Variants in SOD2 observed in about 807,000 individuals in gnomAD.
SOD2 encodes the protein superoxide dismutase 2.
A neutral mutation model predicts 27.0 loss-of-function variants in SOD2; 11 were observed. The ratio of observed to expected loss-of-function variants is 0.41; its 90% confidence interval spans 0.26 to 0.67. The LOEUF (loss-of-function observed/expected upper bound fraction) is 0.67. SOD2 is among the 30% of genes least tolerant of loss of function. The pLI, the probability that SOD2 is intolerant of heterozygous loss-of-function variation, is 0.34. For missense variants in SOD2, 250 were observed against 274.5 expected (o/e 0.91, Z 0.63); for synonymous variants, 105 against 103.0 (o/e 1.02, Z -0.12).
At chr6:159,742,422 T>C (rs560455130) in intron 1 of SOD2, among the ~76,000 whole-genome samples, 1 of 152,310 alleles carries the variant, frequency 6.6e-6, no homozygotes, top group African/African-American at 2.4e-5. Context: ...TCAGAACTAC[T>C]TGAAACTTTT....
intron 1 of SOD2, chr6:159,753,316 C>A: frequency 8.4e-7 from 1 of 1,184,078 alleles, no homozygotes; most frequent in Non-Finnish European, 1.2e-6. Flanking sequence ...TGGATGTGTC[C>A]CAGAAAAGAA....
intron 1 of SOD2, among the ~76,000 whole-genome samples, chr6:159,722,125 C>T (rs1318033198): frequency 6.6e-6 from 1 of 151,998 alleles, no homozygotes; most frequent in African/African-American, 2.4e-5. Context: ...TGCCTGTACT[C>T]CCAGCGCTTT....
At chr6:159,719,542 C>T (rs1286543744) in intron 1 of SOD2, among the ~76,000 whole-genome samples, 1 of 150,820 alleles carries the variant, frequency 6.6e-6, no homozygotes, top group Non-Finnish European at 1.5e-5. Context: ...AGGAGGATCA[C>T]CTGGGCAAAG....
intron 1 of SOD2, among the ~76,000 whole-genome samples, chr6:159,715,686 G>T (rs1777911308): frequency 6.6e-6 from 1 of 152,160 alleles, no homozygotes; most frequent in Non-Finnish European, 1.5e-5. Context: ...AATCACTTGA[G>T]CCCAGGAGTT....
intron 1 of SOD2, chr6:159,743,585 C>G (rs1049580284): frequency 3.7e-6 from 5 of 1,342,368 alleles, no homozygotes; most frequent in African/African-American, 3.0e-5. Context: ...ATTTTTTGAC[C>G]CTAGTTCTTA....
At chr6:159,711,726 A>G (rs200278265) in intron 1 of SOD2, among the ~76,000 whole-genome samples, 1,764 of 39,226 alleles carry the variant, frequency 0.045, 13 homozygotes, top group South Asian at 0.091. Flanking sequence ...CACCATAACC[A>G]CCTCCACAAC....
At chr6:159,758,320 G>A (rs1223803691) in intron 1 of SOD2, among the ~76,000 whole-genome samples, 1 of 151,786 alleles carries the variant, frequency 6.6e-6, no homozygotes, top group East Asian at 1.9e-4. Context: ...TTTGGAGGCT[G>A]GGAAGTCTAA....
intron 1 of SOD2, chr6:159,726,144 C>A (rs1333884776): frequency 1.3e-5 from 2 of 152,630 alleles, no homozygotes; most frequent in African/African-American, 4.8e-5. Context: ...ATTTTGTACT[C>A]CGTGGAACTT....
chr6:159,716,580 A>T (rs1461633925), intron 1 of SOD2, among the ~76,000 whole-genome samples: 1 of 152,172 alleles, frequency 6.6e-6, no homozygotes, highest in Non-Finnish European at 1.5e-5. Flanking sequence ...AAGAAGACTG[A>T]GCACCATCAC....
rs756665250 is a variant in SOD2 at position 159,713,659 on chromosome 6, C to T, written c.-116+13470G>A. ...CCAAATGGAAGTCCTCTAAGCCAGA[C>T]GAAGCCATCGTTGGCAGTATCAGGA... On this transcript the variant is annotated intron_variant, in intron 1 of 2. Transcript: ENST00000401980. 1.3e-4 allele frequency: 131 copies of T among 990,474 alleles called. 1 individual carries two copies. Among genetic ancestry groups the T allele is most frequent in the South Asian group, 1.2e-3 (89 of 72,592 alleles). The allele number at this position is 990,474 out of a possible 1,614,324, so 61.4% of individuals were successfully genotyped here.
At chr6:159,697,639 G>A (rs1288826713), upstream of SOD2, among the ~76,000 whole-genome samples, 2 of 152,194 alleles carry the variant, frequency 1.3e-5, no homozygotes, top group Admixed American at 6.5e-5. Context: ...AGTTGATTAC[G>A]TCCATAAAGG....
At chr6:159,736,151 G>T (rs1778899666) in intron 1 of SOD2, 1 of 1,077,252 alleles carries the variant, frequency 9.3e-7, no homozygotes, top group South Asian at 1.5e-5. Flanking sequence ...TTATTCAACA[G>T]TAATTTAGTT....
At position 159,674,323 on chromosome 6, in the gene SOD2, T is replaced by C. The variant is rs1779730520; in HGVS notation, c.*8170A>G. ...GAGAACTTTAGACCAATATCCCTGA[T>C]GAAAATCAATGCAAAAATCCTCAAT... On this transcript the variant is annotated 3_prime_UTR_variant, in exon 5 of 5. Transcript: ENST00000538183. The C allele has an allele frequency of 6.6e-6, 1 of 152,202 alleles. No individual in the cohort carries two copies. Among genetic ancestry groups the C allele is most frequent in the South Asian group, 2.1e-4 (1 of 4,830 alleles). 9.4% of individuals were successfully genotyped at this position (152,202 alleles called of 1,614,324 possible).
Position 159,692,683 on chromosome 6 carries a change from C to T in SOD2, c.204G>A (p.Lys68=). 1.2e-6 allele frequency: 2 copies of T among 1,614,114 alleles called. No homozygotes were observed. The highest frequency in any genetic ancestry group is 8.5e-7 in the Non-Finnish European group (1 of 1,180,012). The change falls in exon 2 of 5, where the codon AAG becomes AAA. Residue 68 remains lysine (K), a synonymous_variant. Transcript: ENST00000538183. The part of the protein sequence containing the change: ...YVNNLNVTEE[K]YQEALAKGDV... Reference sequence around the variant, plus strand: ...TACCCTTGGCCAACGCCTCCTGGTACTTCTCCTCGGTGACGTTCAGGTTGT... The same window carrying T: ...TACCCTTGGCCAACGCCTCCTGGTATTTCTCCTCGGTGACGTTCAGGTTGT...
intron 1 of SOD2, among the ~76,000 whole-genome samples, chr6:159,719,577 G>A (rs796184448): frequency 5.0e-4 from 70 of 140,254 alleles, no homozygotes; most frequent in African/African-American, 1.9e-3. Context: ...AGTGAGCCAA[G>A]ATCATGCTAC....
At position 159,700,116 on chromosome 6, in the gene SOD2, G is replaced by A. The variant is rs140802492; in HGVS notation, c.-115-7253C>T. 5.6e-3 allele frequency among the ~76,000 whole-genome samples: 858 copies of A among 152,320 alleles called. 7 individuals carry two copies. The highest frequency in any genetic ancestry group is 0.02 in the African/African-American group (817 of 41,578). On this transcript the variant is annotated intron_variant, in intron 1 of 2. Coordinates refer to the SOD2 transcript ENST00000401980. ...AGTTTGAGGAACTAGTCAGCTATAT[G>A]TTGGTACACTAGAGGTGAGCCACTA...
chr6:159,697,088 G>A (rs970506106), upstream of SOD2, among the ~76,000 whole-genome samples: 1 of 136,286 alleles, frequency 7.3e-6, no homozygotes. Context: ...CACGCAGTCA[G>A]CTATACACAT....
At chr6:159,705,296 G>C (rs1188143181) in intron 1 of SOD2, among the ~76,000 whole-genome samples, 1 of 152,234 alleles carries the variant, frequency 6.6e-6, no homozygotes. Flanking sequence ...GTTGAGAGAA[G>C]AAGGCTTCAG....
chr6:159,669,277 C>T lies in SOD2; in HGVS notation c.*13216G>A, dbSNP rs1182385363. On this transcript the variant is annotated 3_prime_UTR_variant, in exon 5 of 5. Transcript: ENST00000538183. ...GATGAAAAGAACGTGTGTTCTGCAG[C>T]TATTAGAGTGTTCTGCACCTATTAG... The T allele has an allele frequency of 1.3e-5, 2 of 150,320 alleles. No individual in the cohort carries two copies. The highest frequency in any genetic ancestry group is 2.9e-5 in the Non-Finnish European group (2 of 68,028). 9.3% of individuals were successfully genotyped at this position (150,320 alleles called of 1,614,324 possible). A position where few individuals can be genotyped will look rare whatever the true frequency, so the allele number is the denominator to read the frequency against.
Sources: allele counts gnomAD v4.1 joint callset (sites outside exome capture counted in the v4.1 genomes callset), GRCh38; gene constraint gnomAD v4.1.1; transcripts MANE v1.5; gene names NCBI Gene and HGNC (gene_info 2026-07-23, HGNC 2026-07-21).